CSNK2A1: variants seen among roughly 807,000 people sequenced by gnomAD.
CSNK2A1 encodes casein kinase 2 alpha 1.
A neutral mutation model predicts 62.9 loss-of-function variants in CSNK2A1; 10 were observed. The ratio of observed to expected loss-of-function variants is 0.16; its 90% CI spans 0.10 to 0.27. CSNK2A1 has a LOEUF of 0.27. Among genes scored for constraint, CSNK2A1 ranks in the 10% least tolerant of loss-of-function variants. The pLI, the probability that CSNK2A1 is intolerant of heterozygous loss-of-function variation, is 1.00. For missense variants in CSNK2A1, 160 were observed against 492.0 expected, an observed-to-expected ratio of 0.33 and a Z score of 6.38; for synonymous variants, 124 against 167.8, an observed-to-expected ratio of 0.74 and a Z score of 2.02.
chr20:524,743 A>G (rs148566218), intron 2 of CSNK2A1, among the ~76,000 whole-genome samples: 1 of 151,902 alleles, frequency 6.6e-6, no homozygotes, highest in Admixed American at 6.6e-5. Context: ...GATACATCTA[A>G]AACATGGGGT....
rs376455757 is a variant in CSNK2A1 at position 534,927 on chromosome 20, G to A, written c.-226-6878C>T. On this transcript the variant is annotated intron_variant, in intron 1 of 13. Coordinates refer to ENST00000217244, the MANE Select transcript of CSNK2A1 (RefSeq NM_177559.3). Reference sequence around the variant, plus strand: ...CGTGCGCCTGTAGTCCCAGCTACTTGGGAGGCTGAGGCAGGAGAATTGCTT... The same window carrying A: ...CGTGCGCCTGTAGTCCCAGCTACTTAGGAGGCTGAGGCAGGAGAATTGCTT... 2.1e-4 allele frequency among the ~76,000 whole-genome samples: 32 copies of A among 149,458 alleles called. No individual in the cohort carries two copies. In the East Asian group the frequency reaches 4.2e-3, roughly 20 times the overall value.
At chr20:503,292 A>G in intron 4 of CSNK2A1, 1 of 390,750 alleles carries the variant, frequency 2.6e-6, no homozygotes, top group African/African-American at 2.1e-5. Context: ...CTAAAGGCAC[A>G]TGCCACCATG....
chr20:501,783 G>A (rs1440829819), intron 4 of CSNK2A1: 1 of 151,988 alleles, frequency 6.6e-6, no homozygotes, highest in Non-Finnish European at 1.5e-5. Flanking sequence ...AAGATTGGTG[G>A]TTACTAAAGT....
chr20:485,773 G>A (rs978348984), intron 13 of CSNK2A1, among the ~76,000 whole-genome samples: 1 of 152,154 alleles, frequency 6.6e-6, no homozygotes, highest in Non-Finnish European at 1.5e-5. Context: ...ATTATTTGAG[G>A]ATATGTAAGT....
In CSNK2A1 at chr20:492,247, T is replaced by C. The variant is rs751999830; in HGVS notation, c.621+7A>G. 2 of 1,611,802 alleles carry C rather than the reference T, an allele frequency of 1.2e-6. No homozygotes were observed. The highest frequency in any genetic ancestry group is 1.3e-5 in the African/African-American group (1 of 74,838). On this transcript the variant is annotated splice_region_variant and intron_variant, in intron 9 of 13. Transcript: ENST00000217244. ...GATCAAAACTGTGCCTGCCCTTCTG[T>C]TCTTACCTGATAGTCTACAAGTAGC...
intron 2 of CSNK2A1, among the ~76,000 whole-genome samples, chr20:519,217 C>T (rs1156747399): frequency 1.3e-5 from 2 of 152,132 alleles, no homozygotes; most frequent in East Asian, 1.9e-4. Context: ...TGATTATAGG[C>T]GTAAGCCACC....
At position 477,149 on chromosome 20, in the gene CSNK2A1, A is replaced by ACC. The variant is rs1246535821; in HGVS notation, c.*6811_*6812insGG. ...AGCAATCCTCCTGCCTCAGCCTCCC[A>ACC]AAGAGCTGAGATTACAGGCATGAGC... On this transcript the variant is annotated 3_prime_UTR_variant, in exon 14 of 14. Transcript: ENST00000217244. The ACC allele has an allele frequency of 6.6e-6, 1 of 152,066 alleles. No homozygotes were observed. Among genetic ancestry groups the ACC allele is most frequent in the Non-Finnish European group, 1.5e-5 (1 of 68,068 alleles). 9.4% of individuals were successfully genotyped at this position (152,066 alleles called of 1,614,324 possible).
rs1217756201 is a variant in CSNK2A1 at position 514,064 on chromosome 20, AG to A, written c.-109-5405del. Among the ~76,000 whole-genome samples, 2 of 152,148 alleles carry A rather than the reference AG, an allele frequency of 1.3e-5. 1 individual carries two copies. Among genetic ancestry groups the A allele is most frequent in the Admixed American group, 1.3e-4 (2 of 15,268 alleles). On this transcript the variant is annotated intron_variant, in intron 2 of 13. Transcript: ENST00000217244. ...TGGGGGTTAAGGGATGGTGATAAAA[AG>A]GGGATGTGAAGCCCAGTGTGGTGGC...
intron 1 of CSNK2A1, among the ~76,000 whole-genome samples, chr20:532,137 A>C (rs2019224248): frequency 6.6e-6 from 1 of 151,998 alleles, no homozygotes; most frequent in South Asian, 2.1e-4. Flanking sequence ...GAGCTTTCTA[A>C]ATTAGTGCTC....
At chr20:514,990 T>C (rs1195001459) in intron 2 of CSNK2A1, among the ~76,000 whole-genome samples, 4 of 152,194 alleles carry the variant, frequency 2.6e-5, no homozygotes, top group African/African-American at 4.8e-5. Flanking sequence ...AAGTATGCCA[T>C]TGAAGATTTT....
In CSNK2A1 at chr20:481,949, A is replaced by G. The variant is rs892519387; in HGVS notation, c.*2012T>C. The G allele has an allele frequency of 6.6e-6, 1 of 152,226 alleles. No homozygotes were observed. Among genetic ancestry groups the G allele is most frequent in the African/African-American group, 2.4e-5 (1 of 41,462 alleles). The allele number at this position is 152,226 out of a possible 1,614,324, so 9.4% of individuals were successfully genotyped here. ...CAATAAATATCCACTGTAAGTGGTC[A>G]TAAGGAAGAAAATCACCCTGCCACA... is the stretch of plus-strand genomic sequence containing the variant. On this transcript the variant is annotated 3_prime_UTR_variant, in exon 14 of 14. Transcript: ENST00000217244.
intron 13 of CSNK2A1, among the ~76,000 whole-genome samples, chr20:485,099 AAAAAAAAAAAATATATATAT>A (rs2018057083): frequency 2.9e-5 from 1 of 34,458 alleles, no homozygotes; most frequent in Non-Finnish European, 5.7e-5. Context: ...AAAAAAAAAA[AAAAAAAAAAAATATATATAT>A]ATATATATAT....
chr20:482,476 A>G lies in CSNK2A1; in HGVS notation c.*1485T>C, dbSNP rs1051272820. On this transcript the variant is annotated 3_prime_UTR_variant, in exon 14 of 14. Coordinates refer to ENST00000217244, the MANE Select transcript of CSNK2A1 (RefSeq NM_177559.3). ...CCCTGCACTGCTGAGACACAAAATGAGTTTTATGGCAAAGGATCCTTAATC... is the reference window on the plus strand; with the variant it reads ...CCCTGCACTGCTGAGACACAAAATGGGTTTTATGGCAAAGGATCCTTAATC... 1 of 152,190 alleles carries G rather than the reference A, an allele frequency of 6.6e-6. No individual in the cohort carries two copies. The highest frequency in any genetic ancestry group is 2.4e-5 in the African/African-American group (1 of 41,414). 9.4% of individuals were successfully genotyped at this position (152,190 alleles called of 1,614,324 possible). A position where few individuals can be genotyped will look rare whatever the true frequency, so the allele number is the denominator to read the frequency against.
chr20:535,581 C>A (rs1051160468), intron 1 of CSNK2A1, among the ~76,000 whole-genome samples: 4 of 152,048 alleles, frequency 2.6e-5, no homozygotes, highest in African/African-American at 9.7e-5. Flanking sequence ...CATGGCGACA[C>A]CCCGCCTCTA....
chr20:516,084 T>C (rs1271211443), intron 2 of CSNK2A1, among the ~76,000 whole-genome samples: 1 of 152,226 alleles, frequency 6.6e-6, no homozygotes, highest in Non-Finnish European at 1.5e-5. Context: ...AAAAAGTGCC[T>C]GAGTCCTAGA....
intron 1 of CSNK2A1, among the ~76,000 whole-genome samples, chr20:536,471 A>G (rs1331928299): frequency 2.0e-5 from 3 of 152,170 alleles, no homozygotes; most frequent in Non-Finnish European, 4.4e-5. Flanking sequence ...ACTAATTCCC[A>G]TGTTACAGGT....
rs372057045 is a variant in CSNK2A1 at position 477,897 on chromosome 20, CAAACAAAACA to C, written c.*6054_*6063del. 13 of 152,096 alleles carry C rather than the reference CAAACAAAACA, an allele frequency of 8.5e-5. No homozygotes were observed. The highest frequency in any genetic ancestry group is 1.8e-4 in the Non-Finnish European group (12 of 68,036). 9.4% of individuals were successfully genotyped at this position (152,096 alleles called of 1,614,324 possible). A position where few individuals can be genotyped will look rare whatever the true frequency, so the allele number is the denominator to read the frequency against. ...ATGCCTGTCTCAAAAACAAAACAAA[CAAACAAAACA>C]AAACAAAACAAAAAAACCCCAGTTA... On this transcript the variant is annotated 3_prime_UTR_variant, in exon 14 of 14. Coordinates refer to ENST00000217244, the MANE Select transcript of CSNK2A1 (RefSeq NM_177559.3).
At chr20:492,556 T>C in intron 8 of CSNK2A1, 192 bp from the exon 9 acceptor site, 1 of 597,286 alleles carries the variant, frequency 1.7e-6, no homozygotes, top group Non-Finnish European at 2.9e-6. Context: ...ATTTTGTTCC[T>C]GGAAGACACA....
In CSNK2A1 at chr20:499,650, T is replaced by C. The variant is rs369691362; in HGVS notation, c.315+183A>G. On this transcript the variant is annotated intron_variant, in intron 5 of 13. Coordinates refer to ENST00000217244, the MANE Select transcript of CSNK2A1 (RefSeq NM_177559.3). This position sits in a 1 kb window ranked among gnomAD's most constrained non-coding sequence, Gnocchi z 4.2. ...CTTAGCCTAGAAGAATAAGAAATAG[T>C]CTGTGGGTGGAGGTCTCTTTGAAAG... 4.4e-5 allele frequency: 27 copies of C among 619,002 alleles called. No homozygotes were observed. In the East Asian group the frequency reaches 6.9e-4, roughly 16 times the overall value. The allele number at this position is 619,002 out of a possible 1,614,324, so 38.3% of individuals were successfully genotyped here. A position where few individuals can be genotyped will look rare whatever the true frequency, so the allele number is the denominator to read the frequency against.
Sources: gnomAD v4.1 joint callset for allele counts (sites outside exome capture counted in the v4.1 genomes callset) on GRCh38, gnomAD v4.1.1 for gene constraint, Gnocchi (gnomAD v3.1) non-coding constraint, MANE v1.5 for transcripts, NCBI Gene and HGNC (gene_info 2026-07-23, HGNC 2026-07-21) for gene names.